Variants in SPMIP4 observed in about 807,000 individuals in gnomAD.
The protein encoded by SPMIP4 is sperm microtubule inner protein 4, also known as sperm-associated microtubule inner protein 4.
the SPMIP4 span, among the ~76,000 whole-genome samples, chr7:25,161,737 G>A: frequency 6.6e-5 from 10 of 150,430 alleles, no homozygotes; most frequent in African/African-American, 2.4e-4. Flanking sequence ...TTACAGGCAT[G>A]AGCCACCATG....
the SPMIP4 span, chr7:25,158,625 C>T: frequency 1.0e-6 from 1 of 953,224 alleles, no homozygotes; most frequent in Non-Finnish European, 1.6e-6. Context: ...ATAGGCTGGG[C>T]ATGGTGGCTC....
At chr7:25,159,660 T>C in the SPMIP4 span, among the ~76,000 whole-genome samples, 5 of 152,206 alleles carry the variant, frequency 3.3e-5, no homozygotes, top group African/African-American at 1.2e-4. Context: ...AAATTTATTA[T>C]CCTGTAATGT....
the SPMIP4 span, among the ~76,000 whole-genome samples, chr7:25,151,073 T>A: frequency 1.3e-5 from 2 of 152,278 alleles, no homozygotes; most frequent in African/African-American, 2.4e-5. Flanking sequence ...TCCTCCACCA[T>A]CTTCCTGGGG....
chr7:25,172,284 T>C, the SPMIP4 span, among the ~76,000 whole-genome samples: 1 of 151,882 alleles, frequency 6.6e-6, no homozygotes, highest in Non-Finnish European at 1.5e-5. This position sits in a 1 kb window ranked among gnomAD's most constrained non-coding sequence, Gnocchi z 4.2. Context: ...GGGAGAAACT[T>C]GTTTGTTTGC....
chr7:25,136,357 T>A, the SPMIP4 span: 2 of 1,614,222 alleles, frequency 1.2e-6, no homozygotes, highest in Non-Finnish European at 1.7e-6. This position sits in a 1 kb window ranked among gnomAD's most constrained non-coding sequence, Gnocchi z 5.7. Context: ...ATTTTCATAG[T>A]GAATCCAGTG....
At chr7:25,170,898 T>A in the SPMIP4 span, among the ~76,000 whole-genome samples, 1 of 152,188 alleles carries the variant, frequency 6.6e-6, no homozygotes, top group African/African-American at 2.4e-5. Context: ...TACCCATAAG[T>A]TTTATCTAGG....
chr7:25,158,438 G>T, the SPMIP4 span: 1 of 1,218,090 alleles, frequency 8.2e-7, no homozygotes, highest in Non-Finnish European at 1.2e-6. Context: ...CTAAGACATA[G>T]GAAATGTCAA....
chr7:25,146,422 G>A, the SPMIP4 span, among the ~76,000 whole-genome samples: 7 of 152,208 alleles, frequency 4.6e-5, no homozygotes. Flanking sequence ...TGGCAGTCAT[G>A]GAGAGGTGCA....
the SPMIP4 span, among the ~76,000 whole-genome samples, chr7:25,172,999 G>C: frequency 6.6e-6 from 1 of 150,804 alleles, no homozygotes; most frequent in African/African-American, 2.4e-5. The surrounding 1 kb of genome is among the most constrained non-coding windows in gnomAD (Gnocchi z 4.2). Context: ...TGAAGGGTTG[G>C]GGGAGGAGGG....
the SPMIP4 span, among the ~76,000 whole-genome samples, chr7:25,152,748 C>CCT: frequency 1.7e-5 from 2 of 120,402 alleles, no homozygotes; most frequent in African/African-American, 6.3e-5. Context: ...CGTTGTCTCT[C>CCT]TTTTTTTTTT....
the SPMIP4 span, chr7:25,136,052 G>A: frequency 6.2e-7 from 1 of 1,613,888 alleles, no homozygotes; most frequent in Admixed American, 1.7e-5. This position sits in a 1 kb window ranked among gnomAD's most constrained non-coding sequence, Gnocchi z 5.7. Flanking sequence ...AGGTCTTTAT[G>A]GTCTTCTAGA....
the SPMIP4 span, chr7:25,135,920 T>C: frequency 2.0e-6 from 3 of 1,526,578 alleles, no homozygotes; most frequent in Non-Finnish European, 2.6e-6. Flanking sequence ...AATTCTGTTA[T>C]ATTTTTTAGC....
the SPMIP4 span, among the ~76,000 whole-genome samples, chr7:25,170,028 T>C: frequency 6.6e-6 from 1 of 152,216 alleles, no homozygotes; most frequent in Non-Finnish European, 1.5e-5. Context: ...AAGTTTTGGT[T>C]TGAATACCTG....
chr7:25,167,563 T>A, the SPMIP4 span, among the ~76,000 whole-genome samples: 4 of 152,212 alleles, frequency 2.6e-5, no homozygotes, highest in Non-Finnish European at 5.9e-5. Flanking sequence ...TTTGATAAGG[T>A]CATCGGCGGC....
At chr7:25,141,285 T>A in the SPMIP4 span, among the ~76,000 whole-genome samples, 1 of 152,108 alleles carries the variant, frequency 6.6e-6, no homozygotes, top group South Asian at 2.1e-4. Context: ...TATATAAATA[T>A]GCAAAGGGCC....
chr7:25,137,819 C>T, the SPMIP4 span, among the ~76,000 whole-genome samples: 1 of 152,098 alleles, frequency 6.6e-6, no homozygotes, highest in African/African-American at 2.4e-5. Flanking sequence ...TTCTGAGGTA[C>T]TTGGGATTAT....
the SPMIP4 span, among the ~76,000 whole-genome samples, chr7:25,141,574 G>GAAA: frequency 9.5e-5 from 9 of 94,960 alleles, no homozygotes; most frequent in Admixed American, 2.5e-4. Flanking sequence ...CTGTCTCAAG[G>GAAA]AAAAAAAAAA....
At chr7:25,131,761 C>T in the SPMIP4 span, among the ~76,000 whole-genome samples, 15 of 152,168 alleles carry the variant, frequency 9.9e-5, no homozygotes, top group Admixed American at 2.6e-4. The surrounding 1 kb of genome is among the most constrained non-coding windows in gnomAD (Gnocchi z 4.2). Flanking sequence ...CCATGGGTCA[C>T]GGAAGAGAAC....
At chr7:25,151,574 A>G in the SPMIP4 span, 2 of 1,432,870 alleles carry the variant, frequency 1.4e-6, no homozygotes, top group East Asian at 2.3e-5. Flanking sequence ...TCCTTTAAAC[A>G]CACATTTAAA....
Sources: gnomAD v4.1 joint callset for allele counts (sites outside exome capture counted in the v4.1 genomes callset) on GRCh38, gnomAD v4.1.1 for gene constraint, Gnocchi (gnomAD v3.1) non-coding constraint, MANE v1.5 for transcripts, NCBI Gene and HGNC (gene_info 2026-07-23, HGNC 2026-07-21) for gene names.